The following EPB41 variants were observed in gnomAD, a reference collection of about 807,000 sequenced individuals.
EPB41 encodes the protein protein 4.1.
Under a neutral mutation model 108.0 loss-of-function variants are expected in EPB41, and 65 were observed. The observed-to-expected ratio is 0.60, with a 90% CI of 0.49 to 0.74. The LOEUF (loss-of-function observed/expected upper bound fraction) is 0.74. Ranked by LOEUF, EPB41 falls within the 30% of genes least tolerant of loss-of-function variation. The pLI, the probability that EPB41 is intolerant of heterozygous loss-of-function variation, is 0.00. For synonymous variants in EPB41, 336 were observed against 358.9 expected (o/e 0.94, Z 0.72); for missense variants, 875 against 1,037.0 (o/e 0.84, Z 2.15).
chr1:28,941,460 G>A (rs896678222), intron 1 of EPB41, among the ~76,000 whole-genome samples: 1 of 152,144 alleles, frequency 6.6e-6, no homozygotes, highest in Non-Finnish European at 1.5e-5. Flanking sequence ...TGTAAGATGA[G>A]TATCCTTCGG....
Position 29,115,682 on chromosome 1 carries a change from G to C in EPB41, c.2497-17G>C. ...GGCTATTTTCTGCCTCATTGCCCTTGTTTCTGTCTTTTGTAGGTCCTTGTA... is the reference window on the plus strand; with the variant it reads ...GGCTATTTTCTGCCTCATTGCCCTTCTTTCTGTCTTTTGTAGGTCCTTGTA... On this transcript the variant is annotated splice_polypyrimidine_tract_variant and intron_variant, in intron 19 of 20. Coordinates refer to ENST00000343067, the MANE Select transcript of EPB41 (RefSeq NM_001376013.1). The surrounding 1 kb of genome is among the most constrained non-coding windows in gnomAD (Gnocchi z 4.4). 3 of 1,610,640 alleles carry C rather than the reference G, an allele frequency of 1.9e-6. No individual in the cohort carries two copies. Among genetic ancestry groups the C allele is most frequent in the Non-Finnish European group, 2.5e-6 (3 of 1,177,128 alleles).
At chr1:29,066,111 A>G (rs1260233227) in intron 16 of EPB41, among the ~76,000 whole-genome samples, 1 of 151,994 alleles carries the variant, frequency 6.6e-6, no homozygotes, top group Non-Finnish European at 1.5e-5. Context: ...TGTTATTGTC[A>G]TTACCTATTT....
chr1:29,084,512 A>G (rs539456771), intron 16 of EPB41, among the ~76,000 whole-genome samples: 32 of 152,338 alleles, frequency 2.1e-4, no homozygotes, highest in Admixed American at 8.5e-4. Flanking sequence ...GGGGATTACA[A>G]TTGTGTAAAG....
In EPB41 at chr1:29,109,738, TA is replaced by T. The variant is rs1457945877; in HGVS notation, c.2415+306del. On this transcript the variant is annotated intron_variant, in intron 18 of 20. Transcript: ENST00000343067. ...CCCTGTCTGGCTGTGGAAGTAAGTT[TA>T]AAAAGTCAGCATGGCCAGGCATGGT... is the stretch of plus-strand genomic sequence containing the variant. 39 of 419,770 alleles carry T rather than the reference TA, an allele frequency of 9.3e-5. No homozygotes were observed. The East Asian group carries it at 2.0e-3, about 21-fold the overall frequency. The allele number at this position is 419,770 out of a possible 1,614,324, so 26.0% of individuals were successfully genotyped here.
chr1:29,115,401 C>A lies in EPB41; in HGVS notation c.2497-298C>A, dbSNP rs543323119. Among the ~76,000 whole-genome samples the A allele has an allele frequency of 6.8e-3, 1,027 of 151,332 alleles. 8 individuals are homozygous for A. The highest frequency in any genetic ancestry group is 0.023 in the African/African-American group (965 of 41,208). ...GAGCGAGACTCCATCTCAACAACAA[C>A]AAAAAATAAAAAAAAAATAAAGGAT... On this transcript the variant is annotated intron_variant, in intron 19 of 20. Coordinates refer to ENST00000343067, the MANE Select transcript of EPB41 (RefSeq NM_001376013.1). This position sits in a 1 kb window ranked among gnomAD's most constrained non-coding sequence, Gnocchi z 4.4.
chr1:29,100,250 C>T (rs1004060875), intron 17 of EPB41, among the ~76,000 whole-genome samples: 1 of 150,670 alleles, frequency 6.6e-6, no homozygotes, highest in African/African-American at 2.4e-5. Flanking sequence ...AGGCGGAGCA[C>T]GTGAGGTCAG....
At chr1:29,032,015 C>G (rs563124712) in intron 8 of EPB41, 1 of 150,736 alleles carries the variant, frequency 6.6e-6, no homozygotes, top group East Asian at 2.0e-4. Context: ...GGGAGGATTG[C>G]TTGAGCCCAG....
At chr1:29,029,666 A>G (rs1558077271) in intron 7 of EPB41, among the ~76,000 whole-genome samples, 2 of 152,234 alleles carry the variant, frequency 1.3e-5, no homozygotes, top group African/African-American at 4.8e-5. Flanking sequence ...GGAAATTTAT[A>G]GAGGAGAAGA....
At chr1:29,074,954 C>A (rs547765655) in intron 16 of EPB41, among the ~76,000 whole-genome samples, 1 of 151,948 alleles carries the variant, frequency 6.6e-6, no homozygotes, top group Non-Finnish European at 1.5e-5. Context: ...GTCAGGAGAT[C>A]GAGACCATCC....
chr1:28,921,938 T>TTATATATATATATATATATATATA lies in EPB41; in HGVS notation c.-8+7171_-8+7194dup, dbSNP rs66808636. Reference sequence around the variant, plus strand: ...TAAATAGTATTTTATTTATGAAATTTTATATATATATATATATATATATAC... The same window carrying TTATATATATATATATATATATATA: ...TAAATAGTATTTTATTTATGAAATTTTATATATATATATATATATATATATATATATATATATATATATATATAC... On this transcript the variant is annotated intron_variant, in intron 1 of 20. Transcript: ENST00000343067. Among the ~76,000 whole-genome samples the TTATATATATATATATATATATATA allele has an allele frequency of 3.4e-3, 349 of 102,360 alleles. 3 individuals are homozygous for TTATATATATATATATATATATATA. Among genetic ancestry groups the TTATATATATATATATATATATATA allele is most frequent in the East Asian group, 9.6e-3 (11 of 1,142 alleles). The allele number at this position is 102,360 out of a possible 152,430, so 67.2% of individuals were successfully genotyped here.
intron 1 of EPB41, among the ~76,000 whole-genome samples, chr1:28,915,978 G>A (rs1373413509): frequency 6.6e-6 from 1 of 151,978 alleles, no homozygotes; most frequent in South Asian, 2.1e-4. Flanking sequence ...TATATAGCCC[G>A]TATATGTTTC....
At chr1:29,112,071 C>T (rs1174470101) in intron 18 of EPB41, among the ~76,000 whole-genome samples, 2 of 151,890 alleles carry the variant, frequency 1.3e-5, no homozygotes, top group Non-Finnish European at 2.9e-5. Context: ...AGATTTTGGA[C>T]AAGTAGGTTA....
In EPB41 at chr1:28,953,820, G is replaced by A. The variant is rs2094839768; in HGVS notation, c.-7-33611G>A. 2.0e-5 allele frequency among the ~76,000 whole-genome samples: 3 copies of A among 152,192 alleles called. No homozygotes were observed. The South Asian group carries it at 6.2e-4, about 31-fold the overall frequency. On this transcript the variant is annotated intron_variant, in intron 1 of 20. Coordinates refer to ENST00000343067, the MANE Select transcript of EPB41 (RefSeq NM_001376013.1). ...CCGAAGCCAAGGTTCTCAAAGTTAA[G>A]CATTTATCAAAATCACTTGGAAGGC...
intron 1 of EPB41, among the ~76,000 whole-genome samples, chr1:28,949,241 T>G (rs775153748): frequency 6.6e-6 from 1 of 152,202 alleles, no homozygotes; most frequent in African/African-American, 2.4e-5. Flanking sequence ...CTCAGGAGTT[T>G]GGGACCAGCT....
chr1:29,066,948 T>G (rs1648277637), intron 16 of EPB41, among the ~76,000 whole-genome samples: 1 of 151,970 alleles, frequency 6.6e-6, no homozygotes. Context: ...GTGCTGAGAT[T>G]ACAGGCATGA....
At chr1:29,106,044 C>G (rs1171371632) in intron 17 of EPB41, among the ~76,000 whole-genome samples, 1 of 152,190 alleles carries the variant, frequency 6.6e-6, no homozygotes, top group East Asian at 1.9e-4. Flanking sequence ...GCCACCGTGC[C>G]TGGCCACAAA....
At chr1:28,896,156 C>T (rs2090637753) in intron 1 of EPB41, among the ~76,000 whole-genome samples, 1 of 152,198 alleles carries the variant, frequency 6.6e-6, no homozygotes, top group Non-Finnish European at 1.5e-5. Context: ...AAAGAACCTA[C>T]CTACCTCTTA....
In EPB41 at chr1:29,113,980, G is replaced by C. The variant is rs975878329; in HGVS notation, c.2496+1532G>C. Among the ~76,000 whole-genome samples the C allele has an allele frequency of 5.3e-5, 8 of 152,304 alleles. No homozygotes were observed. The Middle Eastern group carries it at 0.01, about 194-fold the overall frequency. On this transcript the variant is annotated intron_variant, in intron 19 of 20. Coordinates refer to ENST00000343067, the MANE Select transcript of EPB41 (RefSeq NM_001376013.1). The stretch of plus-strand genomic sequence containing the variant: ...GCTGGGCCTGAGGTGTGAGCAGATG[G>C]GTTGGGCAAACAGGATCAGGGAGGA...
intron 12 of EPB41, among the ~76,000 whole-genome samples, chr1:29,055,545 G>A (rs1372246056): frequency 1.3e-5 from 2 of 151,892 alleles, no homozygotes; most frequent in Admixed American, 1.3e-4. Context: ...TATATGATTC[G>A]AGATACTTGT....
Sources: gnomAD v4.1 joint callset for allele counts (sites outside exome capture counted in the v4.1 genomes callset) on GRCh38, gnomAD v4.1.1 for gene constraint, Gnocchi (gnomAD v3.1) non-coding constraint, MANE v1.5 for transcripts, NCBI Gene and HGNC (gene_info 2026-07-23, HGNC 2026-07-21) for gene names.